Variants in ANTXR1 observed in about 807,000 individuals in gnomAD.
ANTXR1 encodes anthrax toxin receptor 1.
In ANTXR1, 19 loss-of-function variants were observed where a neutral mutation model predicts 78.1. The observed-to-expected ratio is 0.24, with a 90% CI of 0.17 to 0.36. ANTXR1 has a LOEUF of 0.36. ANTXR1 is among the 10% of genes least tolerant of loss of function. The probability of loss-of-function intolerance (pLI) is 1.00; values close to 1 mark genes in which losing one functional copy is unlikely to be tolerated. For missense variants in ANTXR1, 518 were observed against 718.6 expected (o/e 0.72, Z 3.19); for synonymous variants, 273 against 260.5 (o/e 1.05, Z -0.46).
At chr2:69,179,705 A>C (rs1674227528) in intron 14 of ANTXR1, among the ~76,000 whole-genome samples, 1 of 152,190 alleles carries the variant, frequency 6.6e-6, no homozygotes, top group Non-Finnish European at 1.5e-5. Context: ...GCTCTGTCAC[A>C]TACAAGCTGG....
chr2:69,206,437 A>G (rs1043191437), intron 17 of ANTXR1, among the ~76,000 whole-genome samples: 1 of 152,224 alleles, frequency 6.6e-6, no homozygotes, highest in Non-Finnish European at 1.5e-5. Flanking sequence ...AAGTGGGCCT[A>G]ATGGAAAGTC....
chr2:69,054,385 GA>G (rs1670012198), intron 3 of ANTXR1, among the ~76,000 whole-genome samples: 1 of 152,110 alleles, frequency 6.6e-6, no homozygotes, highest in African/African-American at 2.4e-5. Context: ...ACATCTTTAA[GA>G]AAACAGTTCC....
At chr2:69,095,782 C>T (rs1342321209) in intron 9 of ANTXR1, among the ~76,000 whole-genome samples, 1 of 152,184 alleles carries the variant, frequency 6.6e-6, no homozygotes, top group African/African-American at 2.4e-5. Flanking sequence ...AGGAGAAAAC[C>T]TCCTCCGGGT....
chr2:69,141,428 A>G (rs1313174219), intron 12 of ANTXR1, among the ~76,000 whole-genome samples: 1 of 152,226 alleles, frequency 6.6e-6, no homozygotes, highest in Non-Finnish European at 1.5e-5. Context: ...ATTCTGAAGG[A>G]CAGGCAGTGG....
intron 12 of ANTXR1, among the ~76,000 whole-genome samples, chr2:69,147,834 G>A (rs1440624729): frequency 1.3e-5 from 2 of 152,222 alleles, no homozygotes; most frequent in African/African-American, 4.8e-5. Context: ...ACCTGCAAAA[G>A]GGGGTAACAG....
intron 17 of ANTXR1, among the ~76,000 whole-genome samples, chr2:69,236,730 T>C (rs1452368307): frequency 1.3e-5 from 2 of 152,256 alleles, no homozygotes; most frequent in Non-Finnish European, 2.9e-5. Flanking sequence ...ACAAATTAGA[T>C]ACACTCTTAA....
intron 8 of ANTXR1, among the ~76,000 whole-genome samples, chr2:69,089,887 C>G (rs995345007): frequency 6.6e-6 from 1 of 152,142 alleles, no homozygotes; most frequent in Admixed American, 6.5e-5. Flanking sequence ...GTTAAAAATA[C>G]TTGATTCAAA....
intron 14 of ANTXR1, among the ~76,000 whole-genome samples, chr2:69,178,314 C>G (rs115202997): frequency 6.6e-6 from 1 of 152,344 alleles, no homozygotes; most frequent in African/African-American, 2.4e-5. Flanking sequence ...CTGACTCTCC[C>G]GTCCGTCAGC....
At chr2:69,236,865 T>C (rs1675777136) in intron 17 of ANTXR1, among the ~76,000 whole-genome samples, 1 of 152,200 alleles carries the variant, frequency 6.6e-6, no homozygotes, top group South Asian at 2.1e-4. Flanking sequence ...TCATACAGGA[T>C]GATCCCATTT....
chr2:69,178,640 G>C (rs1401156522), intron 14 of ANTXR1, among the ~76,000 whole-genome samples: 1 of 152,206 alleles, frequency 6.6e-6, no homozygotes, highest in Non-Finnish European at 1.5e-5. Context: ...CTGGAAAGCG[G>C]GGAAACCGGC....
intron 13 of ANTXR1, among the ~76,000 whole-genome samples, chr2:69,157,385 A>G (rs1558607734): frequency 6.6e-6 from 1 of 151,986 alleles, no homozygotes; most frequent in African/African-American, 2.4e-5. Flanking sequence ...TTTACCCATC[A>G]CTGGCCTTGG....
intron 13 of ANTXR1, among the ~76,000 whole-genome samples, chr2:69,155,493 G>A (rs976896607): frequency 3.9e-5 from 6 of 152,214 alleles, no homozygotes; most frequent in African/African-American, 7.2e-5. Context: ...TTCAAGTCAC[G>A]CCATGCCCAC....
At chr2:69,037,518 G>A (rs1669477671) in intron 1 of ANTXR1, among the ~76,000 whole-genome samples, 1 of 152,120 alleles carries the variant, frequency 6.6e-6, no homozygotes, top group East Asian at 1.9e-4. Context: ...TGCCTAGGCT[G>A]GAGTGCAAGG....
chr2:69,146,180 A>G, intron 12 of ANTXR1: 2 of 985,382 alleles, frequency 2.0e-6, no homozygotes, highest in South Asian at 9.4e-5. Flanking sequence ...CTGTGTGAGC[A>G]TTTGACAAGA....
At chr2:69,072,420 A>G (rs1460439091) in intron 5 of ANTXR1, among the ~76,000 whole-genome samples, 1 of 152,184 alleles carries the variant, frequency 6.6e-6, no homozygotes, top group East Asian at 1.9e-4. Flanking sequence ...TTCTTGTTTC[A>G]TCCTAAACTG....
chr2:69,071,812 T>G (rs773868204), intron 5 of ANTXR1, 25 bp downstream of exon 5: 10 of 1,606,328 alleles, frequency 6.2e-6, no homozygotes, highest in African/African-American at 1.3e-5. Context: ...TGAACTACCA[T>G]TATGAATTAT....
At chr2:69,213,377 C>T (rs1188496687) in intron 17 of ANTXR1, among the ~76,000 whole-genome samples, 1 of 152,176 alleles carries the variant, frequency 6.6e-6, no homozygotes, top group Non-Finnish European at 1.5e-5. Flanking sequence ...AGATGGGAGA[C>T]ACAAGAAACA....
intron 17 of ANTXR1, among the ~76,000 whole-genome samples, chr2:69,198,249 A>G (rs1475564284): frequency 6.6e-6 from 1 of 152,202 alleles, no homozygotes; most frequent in Non-Finnish European, 1.5e-5. Flanking sequence ...CCCCTATGAA[A>G]CGCCCATCTC....
intron 17 of ANTXR1, among the ~76,000 whole-genome samples, chr2:69,211,662 A>T (rs569171033): frequency 9.7e-4 from 147 of 152,310 alleles, no homozygotes; most frequent in African/African-American, 3.2e-3. Flanking sequence ...CCAAAGGGGG[A>T]ACATACGCAG....
Sources: gnomAD v4.1 joint callset for allele counts (sites outside exome capture counted in the v4.1 genomes callset) on GRCh38, gnomAD v4.1.1 for gene constraint, MANE v1.5 for transcripts, NCBI Gene and HGNC (gene_info 2026-07-23, HGNC 2026-07-21) for gene names.